HYPK: variants seen among roughly 807,000 people sequenced by gnomAD.
HYPK encodes huntingtin interacting protein K, also known as huntingtin-interacting protein K.
Under a neutral mutation model 13.9 loss-of-function variants are expected in HYPK, and 9 were observed. The observed-to-expected ratio is 0.65, with a 90% CI of 0.39 to 1.13. The LOEUF is 1.13. HYPK is among the 50% of genes most tolerant of loss of function. The probability of loss-of-function intolerance (pLI) is 0.01; values close to 1 mark genes in which losing one functional copy is unlikely to be tolerated. For synonymous variants in HYPK, 76 were observed against 57.0 expected (o/e 1.33, Z -1.50); for missense variants, 138 against 157.6 (o/e 0.88, Z 0.67).
chr15:43,801,443 T>G, intron 2 of HYPK, 75 bp from the exon 3 acceptor site: 1 of 1,275,576 alleles, frequency 7.8e-7, no homozygotes, highest in Non-Finnish European at 1.1e-6. Flanking sequence ...ACAGGGCACT[T>G]CTGGGAATGA....
rs766255251 is a variant in HYPK at position 43,801,684 on chromosome 15, C to T, written c.271-27C>T. 34 of 1,612,924 alleles carry T rather than the reference C, an allele frequency of 2.1e-5. No homozygotes were observed. In the Admixed American group the frequency reaches 5.3e-4, roughly 25 times the overall value. Reference sequence around the variant, plus strand: ...TTGGTGGCACATTAATGCCTGGGAACCTATGTAACATGATTTTTTTCTGCA... The same window carrying T: ...TTGGTGGCACATTAATGCCTGGGAATCTATGTAACATGATTTTTTTCTGCA... On this transcript the variant is annotated intron_variant, in intron 3 of 3. Transcript: ENST00000442995.
Position 43,802,585 on chromosome 15 carries a change from A to AAAAAAAAAAAAAAAAAAAAC in HYPK, c.*785_*786insAAAAAAAAAAAAACAAAAAA. On this transcript the variant is annotated 3_prime_UTR_variant, in exon 4 of 4. Coordinates refer to ENST00000442995, the MANE Select transcript of HYPK (RefSeq NM_016400.4). The stretch of plus-strand genomic sequence containing the variant: ...ACTCCATCTCAAAAAAAAAAAAAAA[A>AAAAAAAAAAAAAAAAAAAAC]AAAAAAGCCCGGGCACAGTGGCTCA... 6.6e-6 allele frequency: 1 copy of AAAAAAAAAAAAAAAAAAAAC among 151,354 alleles called. No homozygotes were observed. The highest frequency in any genetic ancestry group is 2.5e-5 in the African/African-American group (1 of 40,054). 9.4% of individuals were successfully genotyped at this position (151,354 alleles called of 1,614,324 possible). A position where few individuals can be genotyped will look rare whatever the true frequency, so the allele number is the denominator to read the frequency against.
chr15:43,800,650 G>C lies in HYPK; in HGVS notation c.28G>C (p.Glu10Gln). Residue 10 changes from glutamate to glutamine, a missense_variant, in exon 1 of 4, where the codon GAG becomes CAG. Physicochemically the swap from Glu to Gln is conservative, Grantham distance 29 (BLOSUM62 2). Transcript: ENST00000442995. MATEGDVEL[E>Q]LETETSGPER... ...GGCGACCGAGGGGGATGTGGAGCTG[G>C]AGTTGGAGACTGAGACCAGTGGACC... 1 of 1,614,204 alleles carries C rather than the reference G, an allele frequency of 6.2e-7. No homozygotes were observed. Among genetic ancestry groups the C allele is most frequent in the South Asian group, 1.1e-5 (1 of 91,080 alleles).
intron 1 of HYPK, 28 bp from the exon 2 acceptor site, chr15:43,801,104 G>C: frequency 6.3e-7 from 1 of 1,598,228 alleles, no homozygotes; most frequent in Non-Finnish European, 8.6e-7. Flanking sequence ...GGGTAGCGGT[G>C]CAGTAACTAG....
chr15:43,800,695 C>T lies in HYPK; in HGVS notation c.73C>T (p.Pro25Ser). 6.2e-7 allele frequency: 1 copy of T among 1,614,054 alleles called. No homozygotes were observed. Among genetic ancestry groups the T allele is most frequent in the Non-Finnish European group, 8.5e-7 (1 of 1,180,012 alleles). Reference protein sequence around the residue: ...TSGPERPPEKPRKHDSGAADL... With the variant: ...TSGPERPPEKSRKHDSGAADL... ...TGGACCAGAGCGGCCTCCGGAGAAG[C>T]CACGGAAACATGACAGCGGTGCGGC... is the stretch of plus-strand genomic sequence containing the variant. The change falls in exon 1 of 4, where the codon CCA becomes TCA. Residue 25 changes from proline to serine, a missense_variant. Pro to Ser is a moderately conservative substitution (Grantham distance 74). This residue lies in a region of HYPK where 43 missense variants were observed against 30.4 expected (regional missense o/e 1.41). Coordinates refer to ENST00000442995, the MANE Select transcript of HYPK (RefSeq NM_016400.4).
At chr15:43,801,086 G>T (rs976187475) in intron 1 of HYPK, 46 bp from the exon 2 acceptor site, 3 of 1,525,296 alleles carry the variant, frequency 2.0e-6, no homozygotes, top group Non-Finnish European at 2.7e-6. Context: ...TAGATTATTG[G>T]GAATTGTGGG....
chr15:43,800,455 G>T (rs747380589), upstream of HYPK: 4 of 919,316 alleles, frequency 4.4e-6, no homozygotes, highest in South Asian at 4.3e-5. Flanking sequence ...GTACAAACCC[G>T]AAAGGAAGTC....
In HYPK at chr15:43,804,082, C is replaced by G. The variant is rs564757693; in HGVS notation, c.*2276C>G. On this transcript the variant is annotated 3_prime_UTR_variant, in exon 4 of 4. Transcript: ENST00000442995. ...ACTCTAGCCTGGGCAACAGAGCCGT[C>G]TCTTTAAAACAAACAAACAAACAAA... Among the ~76,000 whole-genome samples the G allele has an allele frequency of 3.3e-5, 5 of 149,926 alleles. No homozygotes were observed. The highest frequency in any genetic ancestry group is 7.4e-5 in the Non-Finnish European group (5 of 67,918).
At position 43,804,287 on chromosome 15, in the gene HYPK, G is replaced by A. The variant is rs755735959; in HGVS notation, c.*2481G>A. Among the ~76,000 whole-genome samples the A allele has an allele frequency of 7.2e-5, 11 of 152,072 alleles. No individual in the cohort carries two copies. The highest frequency in any genetic ancestry group is 1.2e-4 in the Non-Finnish European group (8 of 68,022). On this transcript the variant is annotated 3_prime_UTR_variant, in exon 4 of 4. Coordinates refer to ENST00000442995, the MANE Select transcript of HYPK (RefSeq NM_016400.4). ...ATCTTTATGTATTTACCACCTCATA[G>A]TAATTATTTGCATTCATTTTTATCG... is the stretch of plus-strand genomic sequence containing the variant.
At chr15:43,801,424 G>A (rs928575956) in intron 2 of HYPK, 94 bp from the exon 3 acceptor site, 2 of 1,116,160 alleles carry the variant, frequency 1.8e-6, no homozygotes, top group African/African-American at 1.6e-5. Flanking sequence ...GGTTTATCAA[G>A]ATTTATTTAC....
At chr15:43,801,050 A>ATGAACCGCTTGTTT in intron 1 of HYPK, 82 bp from the exon 2 acceptor site, 1 of 1,252,700 alleles carries the variant, frequency 8.0e-7, no homozygotes, top group Non-Finnish European at 1.2e-6. Flanking sequence ...GAATCCATGC[A>ATGAACCGCTTGTTT]TGAACCGCTT....
At chr15:43,800,531 G>A, upstream of HYPK, 1 of 1,546,616 alleles carries the variant, frequency 6.5e-7, no homozygotes, top group Non-Finnish European at 8.8e-7. Context: ...TGTGGCCCAG[G>A]GCCAGCCCCG....
Position 43,801,120 on chromosome 15 carries a change from C to A in HYPK, c.163-12C>A. The A allele has an allele frequency of 6.2e-7, 1 of 1,612,584 alleles. No individual in the cohort carries two copies. Among genetic ancestry groups the A allele is most frequent in the Non-Finnish European group, 8.5e-7 (1 of 1,178,836 alleles). On this transcript the variant is annotated splice_polypyrimidine_tract_variant and intron_variant, in intron 1 of 3. Coordinates refer to ENST00000442995, the MANE Select transcript of HYPK (RefSeq NM_016400.4). ...GGTAGCGGTGCAGTAACTAGACCTG[C>A]CTTTCCCATAGGCCATGTCTGTGAT...
Position 43,803,206 on chromosome 15 carries a change from T to C in HYPK, c.*1400T>C, listed in dbSNP as rs1036311347. Among the ~76,000 whole-genome samples, 3 of 142,686 alleles carry C rather than the reference T, an allele frequency of 2.1e-5. No homozygotes were observed. Among genetic ancestry groups the C allele is most frequent in the African/African-American group, 2.6e-5 (1 of 38,122 alleles). 93.6% of individuals were successfully genotyped at this position (142,686 alleles called of 152,430 possible). ...GATTTCCAGACCAGCCTGGGCAACA[T>C]AGCATGACCTTGTCTCTACTAAAAT... On this transcript the variant is annotated 3_prime_UTR_variant, in exon 4 of 4. Coordinates refer to ENST00000442995, the MANE Select transcript of HYPK (RefSeq NM_016400.4).
chr15:43,802,096 G>C lies in HYPK; in HGVS notation c.*290G>C. The C allele has an allele frequency of 2.5e-6, 1 of 394,530 alleles. No individual in the cohort carries two copies. The highest frequency in any genetic ancestry group is 2.9e-5 in the South Asian group (1 of 34,294). The allele number at this position is 394,530 out of a possible 1,614,324, so 24.4% of individuals were successfully genotyped here. On this transcript the variant is annotated 3_prime_UTR_variant, in exon 4 of 4. Transcript: ENST00000442995. ...TCAAGGTACATCTGGAGTCTCAGCA[G>C]AGTTACTGTACTCAAATGGCATGTG...
At position 43,800,628 on chromosome 15, in the gene HYPK, G is replaced by A. The variant is rs1247431287; in HGVS notation, c.6G>A (p.Ala2=). 5.0e-6 allele frequency: 8 copies of A among 1,613,984 alleles called. No homozygotes were observed. Among genetic ancestry groups the A allele is most frequent in the South Asian group, 3.3e-5 (3 of 91,056 alleles). Residue 2 remains alanine (A), a synonymous_variant, in exon 1 of 4, where the codon GCG becomes GCA. Transcript: ENST00000442995. ...GGCGGCGTGGTGAAATAGATATGGC[G>A]ACCGAGGGGGATGTGGAGCTGGAGT... is the stretch of plus-strand genomic sequence containing the variant. M[A]TEGDVELELE... is the part of the protein sequence containing the mutation.
At chr15:43,801,681 G>C (rs1238940604) in intron 3 of HYPK, 30 bp from the exon 4 acceptor site, 1 of 1,612,570 alleles carries the variant, frequency 6.2e-7, no homozygotes, top group Admixed American at 1.7e-5. Flanking sequence ...TAATGCCTGG[G>C]AACCTATGTA....
Position 43,802,050 on chromosome 15 carries a change from C to G in HYPK, c.*244C>G. On this transcript the variant is annotated 3_prime_UTR_variant, in exon 4 of 4. Transcript: ENST00000442995. ...TAGGTGGCAGGCCAGTCTCATTCAT[C>G]TGACTAGCTCTCAACAGTATTCAAG... 3.8e-6 allele frequency: 2 copies of G among 520,158 alleles called. No individual in the cohort carries two copies. The highest frequency in any genetic ancestry group is 4.3e-5 in the South Asian group (2 of 46,262). The allele number at this position is 520,158 out of a possible 1,614,324, so 32.2% of individuals were successfully genotyped here.
chr15:43,800,817 T>C (rs1352925589), intron 1 of HYPK, 33 bp downstream of exon 1: 60 of 1,570,846 alleles, frequency 3.8e-5, no homozygotes, highest in Non-Finnish European at 4.9e-5. Context: ...CGGGGCGGGC[T>C]GAGAGCAGAG....
Sources: allele counts gnomAD v4.1 joint callset (sites outside exome capture counted in the v4.1 genomes callset), GRCh38; gene constraint gnomAD v4.1.1; regional missense constraint gnomAD v4.1.1; transcripts MANE v1.5; gene names NCBI Gene and HGNC (gene_info 2026-07-23, HGNC 2026-07-21).